Variants in EHMT2 observed in about 807,000 individuals in gnomAD.
EHMT2 encodes histone-lysine N-methyltransferase EHMT2.
Under a neutral mutation model 143.3 loss-of-function variants are expected in EHMT2, and 59 were observed. The observed-to-expected ratio is 0.41, with a 90% CI of 0.33 to 0.51. The LOEUF (loss-of-function observed/expected upper bound fraction) is 0.51. Among genes scored for constraint, EHMT2 ranks in the 20% least tolerant of loss-of-function variants. The probability of loss-of-function intolerance (pLI) is 0.18; values close to 1 mark genes in which losing one functional copy is unlikely to be tolerated. For synonymous variants in EHMT2, 604 were observed against 651.5 expected (o/e 0.93, Z 1.11); for missense variants, 1,174 against 1,645.9 (o/e 0.71, Z 4.96).
intron 7 of EHMT2, 84 bp downstream of exon 7, chr6:31,892,322 GA>G: frequency 6.7e-7 from 1 of 1,485,286 alleles, no homozygotes. Flanking sequence ...ACAGAAAGCA[GA>G]AAAACAGGGA....
At chr6:31,887,146 T>C in intron 15 of EHMT2, 45 bp from the exon 16 acceptor site, 1 of 1,518,002 alleles carries the variant, frequency 6.6e-7, no homozygotes, top group Non-Finnish European at 9.0e-7. Context: ...GGACAAGTGG[T>C]AAGCAAGCTA....
chr6:31,893,092 C>T, intron 4 of EHMT2, 182 bp from the exon 5 acceptor site: 2 of 575,892 alleles, frequency 3.5e-6, no homozygotes, highest in South Asian at 4.5e-5. Flanking sequence ...GTCAAGCACA[C>T]TAACACTCAC....
chr6:31,884,906 A>T lies in EHMT2; in HGVS notation c.2448+6T>A. ...GCTGCCCTACCTCAACCAAACGCTC[A>T]CTCACGTTGTCAGTGAGGGTGACGT... On this transcript the variant is annotated splice_donor_region_variant and intron_variant, in intron 19 of 27. Coordinates refer to ENST00000375537, the Ensembl canonical transcript of EHMT2. This position sits in a 1 kb window ranked among gnomAD's most constrained non-coding sequence, Gnocchi z 7.3. 1 of 1,597,100 alleles carries T rather than the reference A, an allele frequency of 6.3e-7. No homozygotes were observed. The highest frequency in any genetic ancestry group is 8.6e-7 in the Non-Finnish European group (1 of 1,166,842).
chr6:31,894,982 G>A (rs996253608), intron 4 of EHMT2, among the ~76,000 whole-genome samples: 1 of 152,150 alleles, frequency 6.6e-6, no homozygotes, highest in African/African-American at 2.4e-5. Flanking sequence ...TATTATTGTT[G>A]TTAATCTCTC....
Position 31,880,464 on chromosome 6 carries a change from G to T in EHMT2, c.3453-200C>A. 1 of 832,376 alleles carries T rather than the reference G, an allele frequency of 1.2e-6. No homozygotes were observed. The highest frequency in any genetic ancestry group is 1.8e-6 in the Non-Finnish European group (1 of 548,882). 51.6% of individuals were successfully genotyped at this position (832,376 alleles called of 1,614,324 possible). ...ACTTTTTAGAAATGCAGAATCCTGG[G>T]CCCCATCCCAAGCCTACTGATTCAA... On this transcript the variant is annotated intron_variant, in intron 27 of 27. Transcript: ENST00000375537. The surrounding 1 kb of genome is among the most constrained non-coding windows in gnomAD (Gnocchi z 6.6).
At chr6:31,893,376 A>AGTG (rs1765955879) in intron 4 of EHMT2, 1 of 450,676 alleles carries the variant, frequency 2.2e-6, no homozygotes, top group Non-Finnish European at 4.5e-6. Flanking sequence ...GATGGAGTGC[A>AGTG]GTGGCATGAC....
At position 31,883,044 on chromosome 6, in the gene EHMT2, T is replaced by G; in HGVS notation, c.2995-35A>C. The G allele has an allele frequency of 6.3e-7, 1 of 1,589,034 alleles. No homozygotes were observed. Among genetic ancestry groups the G allele is most frequent in the Non-Finnish European group, 8.6e-7 (1 of 1,161,002 alleles). ...GGAGGGGAGGATAGTGGTTTCTCTG[T>G]GGGGCCCACCTCAGCTGCCCACCCA... On this transcript the variant is annotated intron_variant, in intron 23 of 27. Transcript: ENST00000375537. This position sits in a 1 kb window ranked among gnomAD's most constrained non-coding sequence, Gnocchi z 5.6.
At position 31,896,832 on chromosome 6, in the gene EHMT2, G is replaced by C; in HGVS notation, c.110-8C>G. 2 of 1,612,826 alleles carry C rather than the reference G, an allele frequency of 1.2e-6. No homozygotes were observed. The highest frequency in any genetic ancestry group is 1.7e-6 in the Non-Finnish European group (2 of 1,179,972). ...CCCCCAAAGAGCCATGAACTGTAGA[G>C]GAAGAGAAAAAGTTCAGAGCTAAGG... On this transcript the variant is annotated splice_polypyrimidine_tract_variant and splice_region_variant and intron_variant, in intron 2 of 27. Coordinates refer to ENST00000375537, the Ensembl canonical transcript of EHMT2.
chr6:31,880,249 G>A lies in EHMT2; in HGVS notation c.3468C>T (p.Asp1156=). Reference sequence around the variant, plus strand: ...ATTTGCTTTTGATGTCCCAGAAGCGGTCGCCATAGTCAAACCTGTCAGAGG... The same window carrying A: ...ATTTGCTTTTGATGTCCCAGAAGCGATCGCCATAGTCAAACCTGTCAGAGG... The change falls in exon 28 of 28, where the codon GAC becomes GAT. Residue 1156 remains aspartate (D), a synonymous_variant. Transcript: ENST00000375537. This position sits in a 1 kb window ranked among gnomAD's most constrained non-coding sequence, Gnocchi z 6.6. 6.2e-7 allele frequency: 1 copy of A among 1,611,782 alleles called. No individual in the cohort carries two copies. Among genetic ancestry groups the A allele is most frequent in the African/African-American group, 1.3e-5 (1 of 75,022 alleles).
Position 31,884,767 on chromosome 6 carries a change from G to A in EHMT2, c.2481C>T (p.Phe827=). The stretch of plus-strand genomic sequence containing the variant: ...CTTCGGCGATGGCGGCGCTGCCCGT[G>A]AAGGAGGCCCAGTGCAGGCAGATGT... Residue 827 remains phenylalanine, a synonymous_variant, in exon 20 of 28, where the codon TTC becomes TTT. Coordinates refer to ENST00000375537, the Ensembl canonical transcript of EHMT2. The surrounding 1 kb of genome is among the most constrained non-coding windows in gnomAD (Gnocchi z 7.3). 6.2e-7 allele frequency: 1 copy of A among 1,602,068 alleles called. No individual in the cohort carries two copies. Among genetic ancestry groups the A allele is most frequent in the Non-Finnish European group, 8.5e-7 (1 of 1,174,758 alleles).
At chr6:31,896,978 G>C (rs752615846) in exon 2 of EHMT2, 1 of 1,578,332 alleles carries the variant, frequency 6.3e-7, no homozygotes. Flanking sequence ...CCATCTCAGC[G>C]GGGGCCTCCC....
At position 31,880,424 on chromosome 6, in the gene EHMT2, C is replaced by T; in HGVS notation, c.3453-160G>A. ...TGTATGTTCTATGGACTTTCAGCAT[C>T]AGCATTGCCTGGGGACTTTTTAGAA... On this transcript the variant is annotated intron_variant, in intron 27 of 27. Coordinates refer to ENST00000375537, the Ensembl canonical transcript of EHMT2. This position sits in a 1 kb window ranked among gnomAD's most constrained non-coding sequence, Gnocchi z 6.6. 1.1e-6 allele frequency: 1 copy of T among 907,222 alleles called. No individual in the cohort carries two copies. Among genetic ancestry groups the T allele is most frequent in the Non-Finnish European group, 1.6e-6 (1 of 614,798 alleles). The allele number at this position is 907,222 out of a possible 1,614,324, so 56.2% of individuals were successfully genotyped here.
rs917342932 is a variant in EHMT2, at chr6:31,889,166, C to T, written c.1114+62G>A. On this transcript the variant is annotated intron_variant, in intron 9 of 27. Transcript: ENST00000375537. The surrounding 1 kb of genome is among the most constrained non-coding windows in gnomAD (Gnocchi z 5.1). ...ACATGCGAGAGCGTGTGTGTGCGTG[C>T]ACACACTCTGGGGGGCCGGGCGGGG... 2.4e-5 allele frequency: 38 copies of T among 1,554,202 alleles called. No homozygotes were observed. The highest frequency in any genetic ancestry group is 3.1e-5 in the Non-Finnish European group (35 of 1,144,854).
chr6:31,897,110 C>T (rs1354353247), intron 1 of EHMT2, 121 bp from the exon 2 acceptor site: 4 of 1,401,112 alleles, frequency 2.9e-6, no homozygotes, highest in South Asian at 1.8e-5. Flanking sequence ...CTCTGTGGGG[C>T]CCCCCCCTTC....
Position 31,892,393 on chromosome 6 carries a change from C to A in EHMT2, c.864+14G>T, listed in dbSNP as rs1182321241. ...GGGAGCACCGGCGGGGAGGGCAGAC[C>A]AGCTCTGTCTCACCTTGCTGTCGGA... On this transcript the variant is annotated intron_variant, in intron 7 of 27. Transcript: ENST00000375537. The A allele has an allele frequency of 1.9e-6, 3 of 1,610,680 alleles. No homozygotes were observed. The highest frequency in any genetic ancestry group is 2.2e-5 in the South Asian group (2 of 90,962).
Position 31,892,740 on chromosome 6 carries a change from A to C in EHMT2, c.668-6T>G. 1 of 1,613,056 alleles carries C rather than the reference A, an allele frequency of 6.2e-7. No individual in the cohort carries two copies. Among genetic ancestry groups the C allele is most frequent in the Non-Finnish European group, 8.5e-7 (1 of 1,180,020 alleles). Reference sequence around the variant, plus strand: ...CTTCCTCCTTTTGGCCAGATCTGGAAGAAGAGAGAGAATGGTGTGGGGCCT... The same window carrying C: ...CTTCCTCCTTTTGGCCAGATCTGGACGAAGAGAGAGAATGGTGTGGGGCCT... On this transcript the variant is annotated splice_region_variant and splice_polypyrimidine_tract_variant and intron_variant, in intron 5 of 27. Coordinates refer to ENST00000375537, the Ensembl canonical transcript of EHMT2.
intron 4 of EHMT2, among the ~76,000 whole-genome samples, chr6:31,895,089 G>A (rs1451025022): frequency 6.6e-6 from 1 of 152,206 alleles, no homozygotes; most frequent in Non-Finnish European, 1.5e-5. Flanking sequence ...TAGTGAGAAA[G>A]GAAAGGTAGC....
chr6:31,887,657 C>T (rs779922750), exon 15 of EHMT2: 10 of 1,612,884 alleles, frequency 6.2e-6, no homozygotes, highest in African/African-American at 1.3e-5. Flanking sequence ...GAGCTTCTTC[C>T]GCCTGCCAAG....
intron 4 of EHMT2, among the ~76,000 whole-genome samples, chr6:31,894,852 CAT>C (rs1392086782): frequency 1.3e-5 from 2 of 150,652 alleles, no homozygotes; most frequent in African/African-American, 4.9e-5. Context: ...GGGGTTTGGA[CAT>C]GTTTACCAGG....
Sources: allele counts gnomAD v4.1 joint callset (sites outside exome capture counted in the v4.1 genomes callset), GRCh38; gene constraint gnomAD v4.1.1; non-coding constraint Gnocchi (gnomAD v3.1); transcripts MANE v1.5; gene names NCBI Gene and HGNC (gene_info 2026-07-23, HGNC 2026-07-21).